CNTN5: variants seen among roughly 807,000 people sequenced by gnomAD.
CNTN5 encodes contactin 5.
A neutral mutation model predicts 129.1 loss-of-function variants in CNTN5; 77 were observed. The observed-to-expected ratio is 0.60, with a 90% CI of 0.50 to 0.72. CNTN5 has a LOEUF of 0.72. Ranked by LOEUF, CNTN5 falls within the 30% of genes least tolerant of loss-of-function variation. The probability of loss-of-function intolerance (pLI) is 0.00; values close to 1 mark genes in which losing one functional copy is unlikely to be tolerated. For missense variants in CNTN5, 1,478 were observed against 1,328.8 expected (o/e 1.11, Z -1.75); for synonymous variants, 509 against 465.6 (o/e 1.09, Z -1.20).
intron 3 of CNTN5, among the ~76,000 whole-genome samples, chr11:99,578,809 G>A (rs1398917083): frequency 6.6e-6 from 1 of 152,100 alleles, no homozygotes; most frequent in Admixed American, 6.5e-5. Flanking sequence ...GGTTTCTTTT[G>A]CTGTGCAGAA....
chr11:100,341,947 T>C (rs1667786147), intron 23 of CNTN5, among the ~76,000 whole-genome samples: 1 of 151,594 alleles, frequency 6.6e-6, no homozygotes, highest in Non-Finnish European at 1.5e-5. Flanking sequence ...TTTTAAAATA[T>C]TTCAGTGATA....
chr11:100,123,879 T>C (rs778274752), intron 13 of CNTN5, among the ~76,000 whole-genome samples: 10 of 152,032 alleles, frequency 6.6e-5, no homozygotes, highest in Non-Finnish European at 1.2e-4. Context: ...CTATAAATCA[T>C]ATTAGAGAAT....
intron 13 of CNTN5, among the ~76,000 whole-genome samples, chr11:100,097,608 C>G (rs1401112228): frequency 6.6e-6 from 1 of 151,930 alleles, no homozygotes; most frequent in East Asian, 1.9e-4. Flanking sequence ...TGAGATATAT[C>G]AAATTTTGAC....
intron 13 of CNTN5, among the ~76,000 whole-genome samples, chr11:100,178,952 T>C (rs79209922): frequency 0.025 from 3,772 of 152,262 alleles, 147 homozygotes; most frequent in African/African-American, 0.085. Flanking sequence ...TGTTTTCACA[T>C]TTTTGTGGGT....
intron 6 of CNTN5, among the ~76,000 whole-genome samples, chr11:99,894,530 C>CCAACAAA (rs1491561630): frequency 5.3e-5 from 5 of 93,852 alleles, no homozygotes; most frequent in African/African-American, 1.9e-4. Context: ...AAAAAAAAAA[C>CCAACAAA]CAAAAAACAA....
intron 8 of CNTN5, among the ~76,000 whole-genome samples, chr11:99,984,615 T>G (rs1311945359): frequency 6.6e-6 from 1 of 152,162 alleles, no homozygotes; most frequent in Non-Finnish European, 1.5e-5. Flanking sequence ...AAGATACAAT[T>G]TGAAGTGAAA....
At chr11:99,545,331 A>G (rs1948255233) in intron 2 of CNTN5, among the ~76,000 whole-genome samples, 1 of 152,230 alleles carries the variant, frequency 6.6e-6, no homozygotes, top group Non-Finnish European at 1.5e-5. Flanking sequence ...TTCGACTGCC[A>G]GATGAAGATA....
intron 6 of CNTN5, among the ~76,000 whole-genome samples, chr11:99,907,433 A>G (rs925220579): frequency 8.5e-5 from 13 of 152,122 alleles, no homozygotes; most frequent in Non-Finnish European, 1.5e-4. Context: ...TCTTTTCTAT[A>G]TTCTTCAAAT....
intron 6 of CNTN5, among the ~76,000 whole-genome samples, chr11:99,901,470 T>C (rs1449173779): frequency 6.6e-6 from 1 of 152,028 alleles, no homozygotes; most frequent in African/African-American, 2.4e-5. Flanking sequence ...TTTTGTGTAT[T>C]TTTAATAGAG....
intron 1 of CNTN5, among the ~76,000 whole-genome samples, chr11:99,201,125 A>G (rs113756331): frequency 0.044 from 6,255 of 141,888 alleles, 464 homozygotes; most frequent in African/African-American, 0.15. Flanking sequence ...CCCGGGTTCC[A>G]GCGATTCTCC....
chr11:99,999,032 A>C (rs1939664216), intron 8 of CNTN5, among the ~76,000 whole-genome samples: 1 of 152,188 alleles, frequency 6.6e-6, no homozygotes. Flanking sequence ...CTTAAACGTT[A>C]GACCTAAAAC....
At chr11:99,991,447 A>T (rs929969105) in intron 8 of CNTN5, among the ~76,000 whole-genome samples, 12 of 151,686 alleles carry the variant, frequency 7.9e-5, no homozygotes, top group African/African-American at 2.9e-4. Context: ...AGCCTGGGCA[A>T]CAGAGTGAGA....
intron 2 of CNTN5, among the ~76,000 whole-genome samples, chr11:99,373,270 A>G (rs1939942012): frequency 6.6e-6 from 1 of 152,154 alleles, no homozygotes; most frequent in Non-Finnish European, 1.5e-5. Context: ...TAGAGTACAA[A>G]ACTGGATGGA....
At chr11:100,336,762 C>A (rs1006742614) in intron 21 of CNTN5, 4 of 263,092 alleles carry the variant, frequency 1.5e-5, no homozygotes, top group African/African-American at 2.2e-5. Context: ...AGAAAAGTAG[C>A]TAGAGCGGTA....
At chr11:100,044,401 A>T (rs1942553273) in intron 9 of CNTN5, among the ~76,000 whole-genome samples, 2 of 152,068 alleles carry the variant, frequency 1.3e-5, no homozygotes, top group Admixed American at 1.3e-4. Flanking sequence ...TATTTGAGAA[A>T]ACTCCAAACT....
At chr11:99,408,141 C>A (rs1230363943) in intron 2 of CNTN5, among the ~76,000 whole-genome samples, 1 of 151,888 alleles carries the variant, frequency 6.6e-6, no homozygotes, top group African/African-American at 2.4e-5. Context: ...CCCTTCTATT[C>A]CACCACCATC....
intron 4 of CNTN5, among the ~76,000 whole-genome samples, chr11:99,837,245 T>G (rs1947335768): frequency 6.6e-6 from 1 of 152,210 alleles, no homozygotes; most frequent in Non-Finnish European, 1.5e-5. Context: ...TTACATCTTC[T>G]TTAATAGTTT....
At chr11:100,115,191 G>A (rs567304040) in intron 13 of CNTN5, among the ~76,000 whole-genome samples, 1 of 149,148 alleles carries the variant, frequency 6.7e-6, no homozygotes, top group Non-Finnish European at 1.5e-5. Context: ...GTTGCATCTT[G>A]AGAATTTCAG....
At chr11:99,358,441 G>C (rs1029009001) in intron 2 of CNTN5, among the ~76,000 whole-genome samples, 1 of 150,774 alleles carries the variant, frequency 6.6e-6, no homozygotes, top group African/African-American at 2.4e-5. Flanking sequence ...TGCACCTGCA[G>C]TCCCAGTTAC....
Sources: allele counts gnomAD v4.1 joint callset (sites outside exome capture counted in the v4.1 genomes callset), GRCh38; gene constraint gnomAD v4.1.1; transcripts MANE v1.5; gene names NCBI Gene and HGNC (gene_info 2026-07-23, HGNC 2026-07-21).